The following CDH10 variants were observed in gnomAD, a reference collection of about 807,000 sequenced individuals.
CDH10 encodes cadherin-10.
Under a neutral mutation model 73.1 loss-of-function variants are expected in CDH10, and 30 were observed. The observed-to-expected ratio is 0.41, with a 90% CI of 0.31 to 0.56. CDH10 has a LOEUF of 0.56. Among genes scored for constraint, CDH10 ranks in the 20% least tolerant of loss-of-function variants. The probability of loss-of-function intolerance (pLI) is 0.27; values close to 1 mark genes in which losing one functional copy is unlikely to be tolerated. For synonymous variants in CDH10, 345 were observed against 348.2 expected (o/e 0.99, Z 0.10); for missense variants, 815 against 973.7 (o/e 0.84, Z 2.17).
intron 2 of CDH10, among the ~76,000 whole-genome samples, chr5:24,550,989 A>G (rs1330548926): frequency 6.6e-6 from 1 of 152,110 alleles, no homozygotes; most frequent in Non-Finnish European, 1.5e-5. Context: ...GATGATTTTT[A>G]AATGCATTGG....
rs200181507 is a variant in CDH10 at position 24,487,707 on chromosome 5, G to A, written c.2323C>T (p.Leu775=). Residue 775 remains leucine (L), a synonymous_variant, in exon 12 of 12, where the codon CTA becomes TTA. Transcript: ENST00000264463. ...LREWGPRFNK[L]AEMYGGGESD... ...TCCCCACCACCATACATTTCTGCTAGCTTATTAAACCGAGGGCCCCATTCT... is the reference window on the plus strand; with the variant it reads ...TCCCCACCACCATACATTTCTGCTAACTTATTAAACCGAGGGCCCCATTCT... 5.6e-6 allele frequency: 9 copies of A among 1,613,058 alleles called. No individual in the cohort carries two copies. Among genetic ancestry groups the A allele is most frequent in the Non-Finnish European group, 6.8e-6 (8 of 1,179,576 alleles).
intron 1 of CDH10, among the ~76,000 whole-genome samples, chr5:24,610,177 A>G (rs760942120): frequency 1.2e-4 from 18 of 152,210 alleles, no homozygotes; most frequent in Admixed American, 3.3e-4. Flanking sequence ...CAATTATTCC[A>G]TGACAACTGC....
At chr5:24,535,850 T>G in intron 3 of CDH10, 28 bp from the exon 4 acceptor site, 1 of 1,567,948 alleles carries the variant, frequency 6.4e-7, no homozygotes, top group Non-Finnish European at 8.7e-7. Flanking sequence ...AGCTTAGTTC[T>G]GCACAGTACC....
At chr5:24,550,634 C>A (rs148774037) in intron 2 of CDH10, among the ~76,000 whole-genome samples, 26 of 152,154 alleles carry the variant, frequency 1.7e-4, no homozygotes, top group African/African-American at 6.3e-4. Context: ...CTTTTTCATT[C>A]ATATTTTATA....
rs544297913 is a variant in CDH10, at chr5:24,498,498, C to T, written c.1415G>A (p.Arg472His). 29 of 1,599,428 alleles carry T rather than the reference C, an allele frequency of 1.8e-5. No homozygotes were observed. Among genetic ancestry groups the T allele is most frequent in the South Asian group, 8.8e-5 (8 of 90,694 alleles). The change falls in exon 9 of 12, where the codon CGC becomes CAC. Residue 472 changes from arginine (R) to histidine (H), a missense_variant. Coordinates refer to ENST00000264463, the MANE Select transcript of CDH10 (RefSeq NM_006727.5). ...CAAAATTCTCACAAAAACAGCCACG[C>T]GTGTTGTCTCTTTGGGATTGTCTGG... is the stretch of plus-strand genomic sequence containing the variant. ...AEINNPKETT[R>H]VAVFVRILDV...
At chr5:24,490,730 A>G (rs965542435) in intron 11 of CDH10, among the ~76,000 whole-genome samples, 1 of 152,182 alleles carries the variant, frequency 6.6e-6, no homozygotes, top group Non-Finnish European at 1.5e-5. Flanking sequence ...TCATAAAAAT[A>G]TTGCTACAAT....
At chr5:24,538,474 A>G (rs1050259193) in intron 2 of CDH10, among the ~76,000 whole-genome samples, 1 of 152,084 alleles carries the variant, frequency 6.6e-6, no homozygotes, top group African/African-American at 2.4e-5. Context: ...GAATCACTTC[A>G]TCACATCAAA....
intron 2 of CDH10, among the ~76,000 whole-genome samples, chr5:24,541,417 G>C (rs1744151371): frequency 2.0e-5 from 3 of 151,948 alleles, no homozygotes; most frequent in Admixed American, 2.0e-4. Context: ...GTAATGATCA[G>C]ACAAGGGTTA....
At chr5:24,588,514 G>T (rs1746094186) in intron 2 of CDH10, among the ~76,000 whole-genome samples, 2 of 152,124 alleles carry the variant, frequency 1.3e-5, no homozygotes, top group African/African-American at 4.8e-5. Context: ...ATAATGCAAA[G>T]ATTTTCCACT....
chr5:24,606,196 A>G (rs75286637), intron 1 of CDH10, among the ~76,000 whole-genome samples: 1,609 of 152,322 alleles, frequency 0.011, 31 homozygotes, highest in African/African-American at 0.037. Flanking sequence ...GATGAATTTT[A>G]CTATCTGTAA....
chr5:24,522,533 G>A (rs964476888), intron 5 of CDH10, among the ~76,000 whole-genome samples: 9 of 152,040 alleles, frequency 5.9e-5, no homozygotes, highest in African/African-American at 2.2e-4. Context: ...AGTCTGGGAT[G>A]ACAGGCGTCC....
intron 5 of CDH10, among the ~76,000 whole-genome samples, chr5:24,515,776 C>T (rs1176659780): frequency 6.6e-6 from 1 of 152,076 alleles, no homozygotes; most frequent in Non-Finnish European, 1.5e-5. Context: ...TTGTAGCTCC[C>T]GCAATTCCCA....
At chr5:24,587,212 T>A (rs1295084854) in intron 2 of CDH10, among the ~76,000 whole-genome samples, 1 of 152,164 alleles carries the variant, frequency 6.6e-6, no homozygotes, top group East Asian at 1.9e-4. Context: ...GAATTTACTT[T>A]AAGAAATTTA....
At position 24,487,880 on chromosome 5, in the gene CDH10, C is replaced by T. The variant is rs759899651; in HGVS notation, c.2150G>A (p.Arg717Lys). ...NTDVRDFINERLKEHDLDPTA... is the reference protein window; with the variant it reads ...NTDVRDFINEKLKEHDLDPTA... ...GGGGTCAAGATCATGCTCTTTTAGCCTTTCATTAATGAAATCCCGGACGTC... is the reference window on the plus strand; with the variant it reads ...GGGGTCAAGATCATGCTCTTTTAGCTTTTCATTAATGAAATCCCGGACGTC... The change falls in exon 12 of 12, where the codon AGG (arginine) becomes AAG (lysine). Residue 717 changes from arginine (R) to lysine (K), a missense_variant. By Grantham distance (26) the Arg-to-Lys change is conservative. Around this residue, in one of 3 missense-constraint regions of CDH10, gnomAD observed 241 missense variants for 240.3 expected, o/e 1.00. Transcript: ENST00000264463. 3 of 1,613,798 alleles carry T rather than the reference C, an allele frequency of 1.9e-6. No individual in the cohort carries two copies. Among genetic ancestry groups the T allele is most frequent in the Non-Finnish European group, 2.5e-6 (3 of 1,179,960 alleles).
intron 1 of CDH10, among the ~76,000 whole-genome samples, chr5:24,606,945 T>A (rs1746782933): frequency 1.3e-5 from 2 of 152,232 alleles, no homozygotes; most frequent in African/African-American, 4.8e-5. Context: ...TTGTTTCCTG[T>A]TATTCTTTGA....
rs2111894480 is a variant in CDH10, at chr5:24,537,498, A to G, written c.408T>C (p.Thr136=). Residue 136 remains threonine, a synonymous_variant, in exon 3 of 12, where the codon ACT becomes ACC. Transcript: ENST00000264463. ...TLRAQAINRR[T]LRPVEPESEF... is the part of the protein sequence containing the mutation. ...CTGACTCTGGCTCTACTGGCCTCAG[A>G]GTTCTTCTGTTAATAGCTTGTGCGC... 2 of 1,613,282 alleles carry G rather than the reference A, an allele frequency of 1.2e-6. No homozygotes were observed. The highest frequency in any genetic ancestry group is 1.1e-5 in the South Asian group (1 of 91,062).
chr5:24,625,122 G>C (rs1039528772), intron 1 of CDH10, among the ~76,000 whole-genome samples: 2 of 152,258 alleles, frequency 1.3e-5, no homozygotes, highest in Non-Finnish European at 2.9e-5. Context: ...ATTAGGTAGA[G>C]TGCTCATGGA....
intron 2 of CDH10, among the ~76,000 whole-genome samples, chr5:24,539,150 C>T (rs970499579): frequency 1.3e-5 from 2 of 151,838 alleles, no homozygotes; most frequent in Admixed American, 6.6e-5. Context: ...CTACAGCCTA[C>T]AGAATTGAGA....
chr5:24,510,575 T>A (rs1742865191), intron 6 of CDH10, among the ~76,000 whole-genome samples: 1 of 152,226 alleles, frequency 6.6e-6, no homozygotes. Context: ...ACTGCTGCTG[T>A]CTGGTCTGAA....
Sources: allele counts gnomAD v4.1 joint callset (sites outside exome capture counted in the v4.1 genomes callset), GRCh38; gene constraint gnomAD v4.1.1; regional missense constraint gnomAD v4.1.1; transcripts MANE v1.5; gene names NCBI Gene and HGNC (gene_info 2026-07-23, HGNC 2026-07-21).